Variants in IL1RL1 observed in about 807,000 individuals in gnomAD.
The protein encoded by IL1RL1 is interleukin-1 receptor-like 1.
In IL1RL1, 32 loss-of-function variants were observed where a neutral mutation model predicts 50.9. The ratio of observed to expected loss-of-function variants is 0.63; its 90% CI spans 0.47 to 0.84. The LOEUF is 0.84. Among genes scored for constraint, IL1RL1 ranks in the 40% least tolerant of loss-of-function variants. The probability of loss-of-function intolerance (pLI) is 0.00; values close to 1 mark genes in which losing one functional copy is unlikely to be tolerated. For synonymous variants in IL1RL1, 275 were observed against 236.0 expected (o/e 1.17, Z -1.51); for missense variants, 773 against 662.9 (o/e 1.17, Z -1.82).
intron 1 of IL1RL1, among the ~76,000 whole-genome samples, chr2:102,325,297 A>T (rs540934063): frequency 6.6e-6 from 1 of 152,240 alleles, no homozygotes; most frequent in Admixed American, 6.5e-5. Context: ...GGGTCCTGAC[A>T]GTTAGAAGGA....
rs896914284 is a variant in IL1RL1, at chr2:102,349,307, G to A, written c.1285+61G>A. 9.8e-6 allele frequency: 14 copies of A among 1,431,028 alleles called. No individual in the cohort carries two copies. In the East Asian group the frequency reaches 2.3e-4, roughly 23 times the overall value. 88.6% of individuals were successfully genotyped at this position (1,431,028 alleles called of 1,614,324 possible). On this transcript the variant is annotated intron_variant, in intron 10 of 10. Coordinates refer to ENST00000233954, the MANE Select transcript of IL1RL1 (RefSeq NM_016232.5). ...ATGCTTATTAAAGGCTGTGAACTAG[G>A]TGGCCTTATCCCTGCATTGGATAAT...
At position 102,351,899 on chromosome 2, in the gene IL1RL1, C is replaced by T. The variant is rs754597639; in HGVS notation, c.1649C>T (p.Pro550Leu). 3.1e-6 allele frequency: 5 copies of T among 1,611,256 alleles called. No homozygotes were observed. The highest frequency in any genetic ancestry group is 2.5e-6 in the Non-Finnish European group (3 of 1,178,764). ...KIPRKASSLT[P>L]LAAQKQ ...CCCAGAAAGGCCTCTAGTTTGACTCCCTTGGCTGCCCAGAAGCAATAGTGC... is the reference window on the plus strand; with the variant it reads ...CCCAGAAAGGCCTCTAGTTTGACTCTCTTGGCTGCCCAGAAGCAATAGTGC... The change falls in exon 11 of 11, where the codon CCC (proline) becomes CTC (leucine). Residue 550 changes from proline (P) to leucine (L), a missense_variant. Transcript: ENST00000233954.
At chr2:102,350,734 C>T (rs1677904698) in intron 10 of IL1RL1, among the ~76,000 whole-genome samples, 1 of 63,406 alleles carries the variant, frequency 1.6e-5, no homozygotes, top group African/African-American at 1.4e-4. Context: ...GGTCATGTAC[C>T]TGCCTCTCCA....
Position 102,349,176 on chromosome 2 carries a change from G to T in IL1RL1, c.1215G>T (p.Leu405=), listed in dbSNP as rs1677865393. 6.2e-7 allele frequency: 1 copy of T among 1,613,568 alleles called. No individual in the cohort carries two copies. Among genetic ancestry groups the T allele is most frequent in the African/African-American group, 1.3e-5 (1 of 74,860 alleles). The change falls in exon 10 of 11, where the codon CTG becomes CTT. Residue 405 remains leucine, a synonymous_variant. Coordinates refer to ENST00000233954, the MANE Select transcript of IL1RL1 (RefSeq NM_016232.5). ...TAGAGCACTTTGTTCACCAGATTCT[G>T]CCTGATGTTCTTGAAAATAAATGTG... is the stretch of plus-strand genomic sequence containing the variant. ...SRVEHFVHQI[L]PDVLENKCGY...
At chr2:102,338,388 A>G (rs1677410778) in intron 2 of IL1RL1, 63 bp downstream of exon 2, 1 of 999,954 alleles carries the variant, frequency 1.0e-6, no homozygotes, top group Admixed American at 2.2e-5. Context: ...AAGAACATTT[A>G]CCTTGTTTTA....
chr2:102,351,272 T>C (rs1156497314), intron 10 of IL1RL1, among the ~76,000 whole-genome samples: 2 of 152,218 alleles, frequency 1.3e-5, no homozygotes, highest in South Asian at 4.1e-4. Context: ...CATTCCCATT[T>C]ACTTGGAAGG....
Position 102,338,132 on chromosome 2 carries a change from T to A in IL1RL1, c.-133T>A. The A allele has an allele frequency of 1.9e-6, 1 of 532,036 alleles. No homozygotes were observed. 33.0% of individuals were successfully genotyped at this position (532,036 alleles called of 1,614,324 possible). The stretch of plus-strand genomic sequence containing the variant: ...ATTTTTCAGTTGAGATATAGGCTAC[T>A]CTTCCCAACTCAGTCTTGAAGAGTA... On this transcript the variant is annotated 5_prime_UTR_variant, in exon 2 of 11. Transcript: ENST00000233954.
At chr2:102,324,816 C>A (rs1487755956) in intron 1 of IL1RL1, among the ~76,000 whole-genome samples, 2 of 152,218 alleles carry the variant, frequency 1.3e-5, no homozygotes, top group Admixed American at 6.5e-5. Context: ...GCGTGCCCAC[C>A]ATTGCTGAGG....
intron 1 of IL1RL1, among the ~76,000 whole-genome samples, chr2:102,326,156 G>A (rs1271365844): frequency 6.6e-6 from 1 of 152,174 alleles, no homozygotes; most frequent in East Asian, 1.9e-4. Context: ...CTGATCTCTT[G>A]GCAGAAACTC....
At chr2:102,343,603 C>T in intron 8 of IL1RL1, 188 bp downstream of exon 8, 1 of 1,464,604 alleles carries the variant, frequency 6.8e-7, no homozygotes, top group Admixed American at 2.5e-5. Flanking sequence ...GGGAGCTTCT[C>T]TGCTGCTTAA....
intron 1 of IL1RL1, among the ~76,000 whole-genome samples, chr2:102,316,882 C>T (rs1676689507): frequency 6.6e-6 from 1 of 152,156 alleles, no homozygotes; most frequent in Admixed American, 6.5e-5. Context: ...GTCAAACTTC[C>T]TGTACAATGA....
chr2:102,316,617 A>G (rs879036598), intron 1 of IL1RL1, among the ~76,000 whole-genome samples: 2 of 152,168 alleles, frequency 1.3e-5, no homozygotes, highest in Non-Finnish European at 2.9e-5. Flanking sequence ...AATACAGCCC[A>G]TTTTCAACCA....
At chr2:102,352,158 T>C (rs1677954271), downstream of IL1RL1, 2 of 470,818 alleles carry the variant, frequency 4.2e-6, no homozygotes, top group Non-Finnish European at 7.5e-6. Context: ...CTTTTCCCTT[T>C]TGCTTGCCTG....
chr2:102,352,176 T>C, downstream of IL1RL1: 1 of 447,076 alleles, frequency 2.2e-6, no homozygotes, highest in Non-Finnish European at 4.0e-6. Context: ...CTGTCTTCAC[T>C]GTGGTGTGGG....
chr2:102,344,967 T>C, intron 8 of IL1RL1: 1 of 950,164 alleles, frequency 1.1e-6, no homozygotes. Flanking sequence ...CTTTATTGGG[T>C]TAATTTCAGA....
rs550298370 is a variant in IL1RL1 at position 102,338,478 on chromosome 2, A to G, written c.61+153A>G. Among the ~76,000 whole-genome samples the G allele has an allele frequency of 5.8e-4, 89 of 152,354 alleles. 1 individual carries two copies. The highest frequency in any genetic ancestry group is 2.0e-3 in the African/African-American group (84 of 41,590). ...TTTGTACAATCATTTTTCATTACAA[A>G]TCTATCAGAAGAAATTCTTTGTAAT... On this transcript the variant is annotated intron_variant, in intron 2 of 10. Transcript: ENST00000233954.
rs190614820 is a variant in IL1RL1, at chr2:102,316,570, T to A, written c.-150+4947T>A. ...CAGCAGCTTGGAAGATAGCTGGGAG[T>A]TTAATTTTTATAAAAAAGAAAGCAA... On this transcript the variant is annotated intron_variant, in intron 1 of 10. Coordinates refer to ENST00000233954, the MANE Select transcript of IL1RL1 (RefSeq NM_016232.5). Among the ~76,000 whole-genome samples, 20 of 152,250 alleles carry A rather than the reference T, an allele frequency of 1.3e-4. No individual in the cohort carries two copies. In the East Asian group the frequency reaches 3.9e-3, roughly 29 times the overall value.
chr2:102,349,264 C>A lies in IL1RL1; in HGVS notation c.1285+18C>A. On this transcript the variant is annotated intron_variant, in intron 10 of 10. Transcript: ENST00000233954. ...TGGAGAAGGTAAAGCTATTGACATA[C>A]ATTAGGGACAGAAATTCATGCTTAT... is the stretch of plus-strand genomic sequence containing the variant. 3 of 1,604,850 alleles carry A rather than the reference C, an allele frequency of 1.9e-6. No homozygotes were observed. The highest frequency in any genetic ancestry group is 1.7e-6 in the Non-Finnish European group (2 of 1,171,786).
chr2:102,347,171 G>C (rs1677809012), intron 8 of IL1RL1, among the ~76,000 whole-genome samples: 1 of 152,190 alleles, frequency 6.6e-6, no homozygotes, highest in Admixed American at 6.5e-5. Context: ...CAGACCCGTT[G>C]ATGCCTTCTC....
Sources: gnomAD v4.1 joint callset for allele counts (sites outside exome capture counted in the v4.1 genomes callset) on GRCh38, gnomAD v4.1.1 for gene constraint, MANE v1.5 for transcripts, NCBI Gene and HGNC (gene_info 2026-07-23, HGNC 2026-07-21) for gene names.